Variants in SH2D3C observed in about 807,000 individuals in gnomAD.
SH2D3C encodes the protein SH2 domain-containing protein 3C.
SH2D3C carries 25 observed loss-of-function variants against 75.2 expected under a neutral mutation model. The observed-to-expected ratio is 0.33, with a 90% CI of 0.24 to 0.46. SH2D3C has a LOEUF of 0.46. Ranked by LOEUF, SH2D3C falls within the 20% of genes least tolerant of loss-of-function variation. The pLI, the probability that SH2D3C is intolerant of heterozygous loss-of-function variation, is 1.00. For missense variants in SH2D3C, 933 were observed against 1,165.3 expected, an observed-to-expected ratio of 0.80 and a Z score of 2.90; for synonymous variants, 450 against 473.7, an observed-to-expected ratio of 0.95 and a Z score of 0.65.
chr9:127,767,239 G>A (rs1316125217), intron 2 of SH2D3C: 16 of 1,478,958 alleles, frequency 1.1e-5, no homozygotes, highest in Middle Eastern at 2.4e-4. Flanking sequence ...TGAGGATGCT[G>A]GGCCCTGACA....
At position 127,749,228 on chromosome 9, in the gene SH2D3C, G is replaced by A. The variant is rs757635271; in HGVS notation, c.1122C>T (p.Ser374=). 2.6e-5 allele frequency: 40 copies of A among 1,560,784 alleles called. No individual in the cohort carries two copies. Among genetic ancestry groups the A allele is most frequent in the Non-Finnish European group, 2.8e-5 (32 of 1,151,196 alleles). ...TGGCTGACCTGGTGGGGCAGCCATC[G>A]CTGCGGGTGACCTTGTCAGCAGTGA... is the stretch of plus-strand genomic sequence containing the variant. The part of the protein sequence containing the change: ...DGLTADKVTR[S]DGCPTSTSLP... Residue 374 remains serine, a synonymous_variant, in exon 5 of 12, where the codon AGC becomes AGT. Transcript: ENST00000314830. The surrounding 1 kb of genome is among the most constrained non-coding windows in gnomAD (Gnocchi z 5.9).
chr9:127,746,096 G>T (rs1248743784), intron 6 of SH2D3C, among the ~76,000 whole-genome samples: 1 of 152,186 alleles, frequency 6.6e-6, no homozygotes, highest in African/African-American at 2.4e-5. Flanking sequence ...TGACATCTGG[G>T]CTGCTTTACT....
chr9:127,771,285 T>C (rs1000814113), intron 2 of SH2D3C: 67 of 1,515,722 alleles, frequency 4.4e-5, no homozygotes, highest in Non-Finnish European at 5.7e-5. Flanking sequence ...CAGCGGCTCC[T>C]GCCTTTCTCG....
intron 4 of SH2D3C, among the ~76,000 whole-genome samples, chr9:127,750,053 T>C (rs886765314): frequency 3.9e-5 from 6 of 152,146 alleles, no homozygotes; most frequent in African/African-American, 7.2e-5. Flanking sequence ...AACCACCCAG[T>C]GCTCTGGCAT....
intron 3 of SH2D3C, among the ~76,000 whole-genome samples, chr9:127,753,681 C>T (rs558654613): frequency 4.6e-5 from 7 of 152,328 alleles, no homozygotes; most frequent in African/African-American, 1.7e-4. Flanking sequence ...GTGCTCACAC[C>T]AGGCTAGTCC....
At chr9:127,764,123 C>A (rs749234056) in intron 2 of SH2D3C, among the ~76,000 whole-genome samples, 1 of 152,228 alleles carries the variant, frequency 6.6e-6, no homozygotes, top group Admixed American at 6.5e-5. Context: ...TACTTCCCCT[C>A]GGGCTCTGGG....
At chr9:127,760,135 T>G (rs979784239) in intron 3 of SH2D3C, among the ~76,000 whole-genome samples, 3 of 151,798 alleles carry the variant, frequency 2.0e-5, no homozygotes, top group African/African-American at 7.3e-5. Context: ...AGGTGGCTCT[T>G]AAAAAAATAA....
At chr9:127,745,432 G>C (rs897371672) in intron 6 of SH2D3C, among the ~76,000 whole-genome samples, 4 of 148,232 alleles carry the variant, frequency 2.7e-5, no homozygotes, top group Admixed American at 6.7e-5. Flanking sequence ...ATTGTTTCTC[G>C]ACGAATTAGC....
intron 2 of SH2D3C, chr9:127,767,278 A>C: frequency 6.9e-7 from 1 of 1,445,230 alleles, no homozygotes; most frequent in Non-Finnish European, 9.1e-7. Context: ...AAACCTGCCA[A>C]AGAAGAGAGA....
chr9:127,765,033 CAG>C (rs1437978947), intron 2 of SH2D3C, among the ~76,000 whole-genome samples: 2 of 151,814 alleles, frequency 1.3e-5, no homozygotes, highest in African/African-American at 4.8e-5. Context: ...TTTTTTGAGA[CAG>C]AGTCTCACTC....
At chr9:127,769,657 GAAA>G (rs11368432) in intron 2 of SH2D3C, among the ~76,000 whole-genome samples, 2 of 88,388 alleles carry the variant, frequency 2.3e-5, no homozygotes, top group African/African-American at 3.5e-5. Flanking sequence ...ACTCCATCTC[GAAA>G]AAAAAAAAAA....
At chr9:127,767,623 G>A (rs1387793927) in intron 2 of SH2D3C, among the ~76,000 whole-genome samples, 1 of 152,212 alleles carries the variant, frequency 6.6e-6, no homozygotes, top group Non-Finnish European at 1.5e-5. Context: ...TCGGCTGGGA[G>A]GTAGGAAGTG....
chr9:127,741,302 G>A (rs558961810), intron 9 of SH2D3C, among the ~76,000 whole-genome samples: 11 of 149,578 alleles, frequency 7.4e-5, no homozygotes, highest in African/African-American at 2.5e-4. Flanking sequence ...GTGCAGTGGC[G>A]CAATCTTGGC....
At chr9:127,765,732 C>T (rs563110451) in intron 2 of SH2D3C, among the ~76,000 whole-genome samples, 1 of 152,294 alleles carries the variant, frequency 6.6e-6, no homozygotes, top group South Asian at 2.1e-4. Flanking sequence ...AACTCTCCCT[C>T]CCATTGTAAT....
rs536374288 is a variant in SH2D3C, at chr9:127,756,174, T to TGC, written c.556-4876_556-4875dup. On this transcript the variant is annotated intron_variant, in intron 3 of 11. Coordinates refer to ENST00000314830, the MANE Select transcript of SH2D3C (RefSeq NM_170600.3). Reference sequence around the variant, plus strand: ...AAAATTAGCCGGGTGTGGTGGCGCATGCCTGCAATCCCAGCTACTCAGGAG... The same window carrying TGC: ...AAAATTAGCCGGGTGTGGTGGCGCATGCGCCTGCAATCCCAGCTACTCAGGAG... Among the ~76,000 whole-genome samples the TGC allele has an allele frequency of 1.4e-4, 22 of 152,270 alleles. No individual in the cohort carries two copies. The South Asian group carries it at 4.1e-3, about 29-fold the overall frequency.
intron 2 of SH2D3C, among the ~76,000 whole-genome samples, chr9:127,763,185 T>C (rs1157846706): frequency 6.6e-6 from 1 of 152,234 alleles, no homozygotes; most frequent in African/African-American, 2.4e-5. Flanking sequence ...TTGCTTAATG[T>C]CACCTCTTCG....
Position 127,740,348 on chromosome 9 carries a change from A to G in SH2D3C, c.2110T>C (p.Trp704Arg). The G allele has an allele frequency of 2.5e-6, 4 of 1,614,078 alleles. No homozygotes were observed. The highest frequency in any genetic ancestry group is 3.4e-6 in the Non-Finnish European group (4 of 1,180,004). The change falls in exon 10 of 12, where the codon TGG (tryptophan) becomes CGG (arginine). Residue 704 changes from tryptophan (W) to arginine (R), a missense_variant. Transcript: ENST00000314830. ...GTGTGTCGCTGCCGCAGGGTCACCC[A>G]TGTCTGCTCCAGCCGAGAAATCTGG... is the stretch of plus-strand genomic sequence containing the variant. ...MAQISRLEQT[W>R]VTLRQRHTEG...
intron 3 of SH2D3C, among the ~76,000 whole-genome samples, chr9:127,760,475 A>G (rs1412875192): frequency 6.6e-6 from 1 of 152,218 alleles, no homozygotes; most frequent in South Asian, 2.1e-4. Flanking sequence ...GGATAGCATT[A>G]GGAAAAATAC....
At position 127,774,542 on chromosome 9, in the gene SH2D3C, A is replaced by C; in HGVS notation, c.38-75T>G. ...AGTGATAATAATGAACAATTCCTGC[A>C]GTTTCACTCGGTGAGGGGCTGAAGA... On this transcript the variant is annotated intron_variant, in intron 1 of 11. Coordinates refer to ENST00000314830, the MANE Select transcript of SH2D3C (RefSeq NM_170600.3). The surrounding 1 kb of genome is among the most constrained non-coding windows in gnomAD (Gnocchi z 4.3). The C allele has an allele frequency of 1.2e-6, 1 of 826,576 alleles. No individual in the cohort carries two copies. Among genetic ancestry groups the C allele is most frequent in the South Asian group, 1.6e-5 (1 of 63,836 alleles). 51.2% of individuals were successfully genotyped at this position (826,576 alleles called of 1,614,324 possible).
Sources: gnomAD v4.1 joint callset for allele counts (sites outside exome capture counted in the v4.1 genomes callset) on GRCh38, gnomAD v4.1.1 for gene constraint, Gnocchi (gnomAD v3.1) non-coding constraint, MANE v1.5 for transcripts, NCBI Gene and HGNC (gene_info 2026-07-23, HGNC 2026-07-21) for gene names.